Variants in MYT1L observed in about 807,000 individuals in gnomAD.
MYT1L encodes myelin transcription factor 1-like protein.
In MYT1L, 12 loss-of-function variants were observed where a neutral mutation model predicts 126.7. That is an observed-to-expected ratio of 0.09 (90% CI 0.06 to 0.15). The LOEUF (loss-of-function observed/expected upper bound fraction) is 0.15, where lower values mean the gene tolerates loss of function less well. Ranked by LOEUF, MYT1L falls within the 10% of genes least tolerant of loss-of-function variation. The probability of loss-of-function intolerance (pLI) is 1.00; values close to 1 mark genes in which losing one functional copy is unlikely to be tolerated. For synonymous variants in MYT1L, 541 were observed against 604.2 expected (o/e 0.90, Z 1.53); for missense variants, 979 against 1,585.2 (o/e 0.62, Z 6.49).
chr2:2,220,047 G>C (rs972490991), intron 2 of MYT1L, among the ~76,000 whole-genome samples: 2 of 152,148 alleles, frequency 1.3e-5, no homozygotes, highest in African/African-American at 4.8e-5. Context: ...ACAGTGAGTG[G>C]AGAAGAGGGG....
intron 3 of MYT1L, among the ~76,000 whole-genome samples, chr2:2,156,134 A>G (rs1367300564): frequency 6.6e-6 from 1 of 152,242 alleles, no homozygotes; most frequent in Non-Finnish European, 1.5e-5. Context: ...TGTAAAATAT[A>G]TATTAAAACC....
At chr2:1,883,159 G>C (rs990356192) in intron 18 of MYT1L, among the ~76,000 whole-genome samples, 1 of 152,170 alleles carries the variant, frequency 6.6e-6, no homozygotes, top group Admixed American at 6.5e-5. Flanking sequence ...GTCGGGACTC[G>C]TGGTATTATA....
intron 1 of MYT1L, among the ~76,000 whole-genome samples, chr2:2,285,111 G>A (rs908967004): frequency 2.0e-5 from 3 of 152,204 alleles, no homozygotes; most frequent in South Asian, 2.1e-4. Context: ...CTAGGTCTCC[G>A]TCCTCCCTAC....
chr2:1,913,573 CTTT>C (rs1006150821), intron 11 of MYT1L, among the ~76,000 whole-genome samples: 3 of 152,148 alleles, frequency 2.0e-5, no homozygotes, highest in African/African-American at 7.2e-5. Flanking sequence ...ATTCTTTCTT[CTTT>C]ATCATTTGTC....
At chr2:1,969,140 C>T (rs72767318) in intron 8 of MYT1L, among the ~76,000 whole-genome samples, 31,513 of 152,170 alleles carry the variant, frequency 0.21, 3,505 homozygotes, top group East Asian at 0.31. Flanking sequence ...TAGAAATCAC[C>T]CTCCAGCACC....
chr2:2,257,196 C>A (rs973415902), intron 2 of MYT1L, among the ~76,000 whole-genome samples: 1 of 152,084 alleles, frequency 6.6e-6, no homozygotes, highest in African/African-American at 2.4e-5. Context: ...TCGCCATTCC[C>A]GAATTAGTAG....
chr2:2,158,570 C>T (rs2087146893), intron 3 of MYT1L, among the ~76,000 whole-genome samples: 1 of 151,920 alleles, frequency 6.6e-6, no homozygotes, highest in Non-Finnish European at 1.5e-5. Flanking sequence ...CGGCACATGG[C>T]TCTTTATTCA....
chr2:1,994,013 G>A (rs925166739), intron 5 of MYT1L, among the ~76,000 whole-genome samples: 9 of 152,096 alleles, frequency 5.9e-5, no homozygotes, highest in African/African-American at 2.2e-4. Flanking sequence ...TAACCCCTTT[G>A]CCCACCTTAT....
chr2:2,110,848 G>A lies in MYT1L; in HGVS notation c.-303-56725C>T, dbSNP rs77964013. Among the ~76,000 whole-genome samples, 787 of 152,206 alleles carry A rather than the reference G, an allele frequency of 5.2e-3. 7 individuals carry two copies. The highest frequency in any genetic ancestry group is 0.018 in the African/African-American group (760 of 41,548). The stretch of plus-strand genomic sequence containing the variant: ...CGCTTATGGGGGGCAGTATGGAGGC[G>A]GGAGTGAGTGCTGGTGTGAACAGCA... On this transcript the variant is annotated intron_variant, in intron 3 of 24. Coordinates refer to ENST00000647738, the MANE Select transcript of MYT1L (RefSeq NM_001303052.2).
At chr2:1,835,866 C>T (rs559268577) in intron 21 of MYT1L, among the ~76,000 whole-genome samples, 7 of 152,296 alleles carry the variant, frequency 4.6e-5, no homozygotes, top group African/African-American at 1.4e-4. Flanking sequence ...CAGGAGCCGC[C>T]CCTGGCATGC....
At chr2:1,945,712 G>A (rs1016598780) in intron 8 of MYT1L, among the ~76,000 whole-genome samples, 6 of 152,142 alleles carry the variant, frequency 3.9e-5, no homozygotes, top group Non-Finnish European at 2.9e-5. Context: ...GCACCTGCTA[G>A]GTACTCCATG....
intron 2 of MYT1L, among the ~76,000 whole-genome samples, chr2:2,206,193 G>C (rs542624565): frequency 6.6e-6 from 1 of 152,058 alleles, no homozygotes; most frequent in East Asian, 1.9e-4. Flanking sequence ...GGCCAGGCTG[G>C]TTTCGAACTC....
intron 3 of MYT1L, among the ~76,000 whole-genome samples, chr2:2,142,081 T>C (rs2084067537): frequency 6.6e-6 from 1 of 152,180 alleles, no homozygotes; most frequent in Non-Finnish European, 1.5e-5. Context: ...TCTTGAAAGA[T>C]CAAATTCATA....
At chr2:2,157,274 T>C (rs1460885358) in intron 3 of MYT1L, among the ~76,000 whole-genome samples, 1 of 152,240 alleles carries the variant, frequency 6.6e-6, no homozygotes, top group Non-Finnish European at 1.5e-5. Context: ...TATATAGATA[T>C]AAGGCATTAT....
intron 21 of MYT1L, among the ~76,000 whole-genome samples, chr2:1,837,889 CTTT>C (rs397775613): frequency 6.9e-6 from 1 of 144,648 alleles, no homozygotes; most frequent in African/African-American, 2.6e-5. Context: ...TTCTCTCTCT[CTTT>C]TTTTTTTTTG....
rs1201101374 is a variant in MYT1L, at chr2:1,917,124, A to G, written c.1618+81T>C. On this transcript the variant is annotated intron_variant, in intron 11 of 24. Coordinates refer to ENST00000647738, the MANE Select transcript of MYT1L (RefSeq NM_001303052.2). This position sits in a 1 kb window ranked among gnomAD's most constrained non-coding sequence, Gnocchi z 5.9. ...GGTCGCACCGAGCCGTACAATGGAG[A>G]TGATGTCAGGTAAGAGGGATGACAG... The G allele has an allele frequency of 2.0e-6, 3 of 1,513,032 alleles. No homozygotes were observed. Among genetic ancestry groups the G allele is most frequent in the Non-Finnish European group, 2.7e-6 (3 of 1,111,294 alleles). The allele number at this position is 1,513,032 out of a possible 1,614,324, so 93.7% of individuals were successfully genotyped here.
chr2:2,085,815 C>T (rs565987026), intron 3 of MYT1L, among the ~76,000 whole-genome samples: 1 of 152,318 alleles, frequency 6.6e-6, no homozygotes, highest in Admixed American at 6.5e-5. Context: ...GACCCACACG[C>T]ACCTCTCTCT....
chr2:1,943,620 C>T lies in MYT1L; in HGVS notation c.153-286G>A, dbSNP rs1262922436. On this transcript the variant is annotated intron_variant, in intron 8 of 24. Transcript: ENST00000647738. The surrounding 1 kb of genome is among the most constrained non-coding windows in gnomAD (Gnocchi z 4.4). Reference sequence around the variant, plus strand: ...CGTTCCTATAATTCCAGAGATCCTACGAAAATTCATGAGATTGGTTTGCAT... The same window carrying T: ...CGTTCCTATAATTCCAGAGATCCTATGAAAATTCATGAGATTGGTTTGCAT... 2.6e-5 allele frequency among the ~76,000 whole-genome samples: 4 copies of T among 152,102 alleles called. No homozygotes were observed. The highest frequency in any genetic ancestry group is 4.4e-5 in the Non-Finnish European group (3 of 68,040).
At chr2:1,924,173 A>G (rs1338201588) in intron 9 of MYT1L, among the ~76,000 whole-genome samples, 2 of 152,172 alleles carry the variant, frequency 1.3e-5, no homozygotes, top group Admixed American at 6.5e-5. Flanking sequence ...GTATTTAGAA[A>G]AACTCTTTAA....
Sources: allele counts gnomAD v4.1 joint callset (sites outside exome capture counted in the v4.1 genomes callset), GRCh38; gene constraint gnomAD v4.1.1; non-coding constraint Gnocchi (gnomAD v3.1); transcripts MANE v1.5; gene names NCBI Gene and HGNC (gene_info 2026-07-23, HGNC 2026-07-21).